Variants in WDR7 observed in about 807,000 individuals in gnomAD.
WDR7 encodes WD repeat-containing protein 7.
A neutral mutation model predicts 169.4 loss-of-function variants in WDR7; 46 were observed. That is an observed-to-expected ratio of 0.27 (90% CI 0.21 to 0.35). The LOEUF is 0.35. WDR7 is among the 10% of genes least tolerant of loss of function. The pLI is 1.00. For synonymous variants in WDR7, 612 were observed against 666.8 expected (o/e 0.92, Z 1.27); for missense variants, 1,534 against 1,859.3 (o/e 0.83, Z 3.22).
chr18:56,704,381 G>A (rs199733887), intron 12 of WDR7, among the ~76,000 whole-genome samples: 32 of 145,390 alleles, frequency 2.2e-4, no homozygotes, highest in Non-Finnish European at 1.4e-4. Context: ...TATCAAAAAA[G>A]AAAAAAAAAA....
At chr18:56,764,402 G>A (rs571664075) in intron 16 of WDR7, among the ~76,000 whole-genome samples, 1 of 152,116 alleles carries the variant, frequency 6.6e-6, no homozygotes, top group South Asian at 2.1e-4. Context: ...TGTTTCAATT[G>A]ATTGTGTTTA....
chr18:56,966,554 A>G (rs941169714), intron 26 of WDR7, among the ~76,000 whole-genome samples: 1 of 152,294 alleles, frequency 6.6e-6, no homozygotes, highest in Admixed American at 6.5e-5. Flanking sequence ...TATGTGTCAA[A>G]TGACTGGTTT....
intron 12 of WDR7, among the ~76,000 whole-genome samples, chr18:56,716,963 A>C (rs922427180): frequency 1.3e-5 from 2 of 152,210 alleles, no homozygotes; most frequent in African/African-American, 4.8e-5. Context: ...CTTTAGTTTA[A>C]AAACAACCTG....
chr18:56,833,578 C>T (rs186193769), intron 20 of WDR7, among the ~76,000 whole-genome samples: 24 of 152,170 alleles, frequency 1.6e-4, no homozygotes, highest in Non-Finnish European at 1.8e-4. Context: ...TGAATGTCTG[C>T]GTTACAAACG....
intron 20 of WDR7, among the ~76,000 whole-genome samples, chr18:56,843,844 T>C (rs1432505280): frequency 1.3e-5 from 2 of 149,580 alleles, no homozygotes; most frequent in Non-Finnish European, 2.9e-5. Flanking sequence ...ACTCGATATT[T>C]TCTTTTTTCT....
intron 20 of WDR7, among the ~76,000 whole-genome samples, chr18:56,835,621 C>A (rs897336349): frequency 2.0e-5 from 3 of 152,182 alleles, no homozygotes; most frequent in Non-Finnish European, 4.4e-5. Flanking sequence ...CATGTCTCAA[C>A]AGTATGTGAA....
chr18:56,699,967 A>T, intron 12 of WDR7: 1 of 777,904 alleles, frequency 1.3e-6, no homozygotes, highest in Non-Finnish European at 1.6e-6. Context: ...GCTGTTTTTA[A>T]TATCTTTTTA....
intron 7 of WDR7, among the ~76,000 whole-genome samples, chr18:56,689,891 T>G (rs554271387): frequency 1.3e-5 from 2 of 149,164 alleles, no homozygotes; most frequent in Non-Finnish European, 3.0e-5. Flanking sequence ...TTTTCTTGGC[T>G]ATAATTGTAG....
chr18:56,977,996 T>C (rs1053996273), intron 26 of WDR7, among the ~76,000 whole-genome samples: 1 of 152,206 alleles, frequency 6.6e-6, no homozygotes, highest in Non-Finnish European at 1.5e-5. Context: ...ATTTATTACT[T>C]GTAGACACGT....
chr18:56,957,527 A>C (rs1232963863), intron 25 of WDR7: 1 of 152,038 alleles, frequency 6.6e-6, no homozygotes, highest in Non-Finnish European at 1.5e-5. Flanking sequence ...GTAAATAGTT[A>C]AGAGTAGTTA....
intron 20 of WDR7, among the ~76,000 whole-genome samples, chr18:56,877,416 C>T (rs1466412085): frequency 6.6e-6 from 1 of 152,158 alleles, no homozygotes; most frequent in Non-Finnish European, 1.5e-5. Flanking sequence ...TAGAGGAGAA[C>T]TTTCATGAAA....
chr18:56,794,069 G>A (rs1226020730), intron 19 of WDR7, among the ~76,000 whole-genome samples: 1 of 151,960 alleles, frequency 6.6e-6, no homozygotes, highest in African/African-American at 2.4e-5. Flanking sequence ...AAACCAATGT[G>A]TTTTCTATTC....
intron 25 of WDR7, among the ~76,000 whole-genome samples, chr18:56,955,891 T>C (rs2047243898): frequency 6.6e-6 from 1 of 152,182 alleles, no homozygotes; most frequent in Non-Finnish European, 1.5e-5. Flanking sequence ...TAAGTATAGA[T>C]CCAGGCAATA....
chr18:56,913,263 C>G (rs75491790), intron 21 of WDR7, among the ~76,000 whole-genome samples: 2,138 of 152,166 alleles, frequency 0.014, 32 homozygotes, highest in East Asian at 0.037. Context: ...ATGTTTGATG[C>G]GTATCTAAAG....
intron 17 of WDR7, among the ~76,000 whole-genome samples, chr18:56,777,487 A>G (rs1203167480): frequency 6.6e-6 from 1 of 152,144 alleles, no homozygotes; most frequent in Non-Finnish European, 1.5e-5. Context: ...AGTCGAAAGT[A>G]TTTTTGGAGC....
chr18:56,909,808 C>T (rs187951010), intron 21 of WDR7, among the ~76,000 whole-genome samples: 297 of 152,162 alleles, frequency 2.0e-3, no homozygotes, highest in African/African-American at 6.8e-3. Flanking sequence ...CTAATGAAAA[C>T]TAAGCCATTT....
chr18:56,837,449 T>C (rs1423148067), intron 20 of WDR7, among the ~76,000 whole-genome samples: 1 of 152,232 alleles, frequency 6.6e-6, no homozygotes, highest in African/African-American at 2.4e-5. Context: ...TAATTTGCTA[T>C]TGTAAAATTT....
chr18:56,691,868 C>A, intron 9 of WDR7, 51 bp downstream of exon 9: 1 of 1,412,224 alleles, frequency 7.1e-7, no homozygotes, highest in Non-Finnish European at 9.8e-7. Context: ...TGAAAAACTT[C>A]TACAACTGTA....
intron 27 of WDR7, among the ~76,000 whole-genome samples, chr18:57,022,021 C>A (rs1363440399): frequency 2.0e-5 from 3 of 152,186 alleles, no homozygotes; most frequent in African/African-American, 7.2e-5. Flanking sequence ...TTCTCATTAG[C>A]CTTTCTTCCA....
Sources: allele counts gnomAD v4.1 joint callset (sites outside exome capture counted in the v4.1 genomes callset), GRCh38; gene constraint gnomAD v4.1.1; transcripts MANE v1.5; gene names NCBI Gene and HGNC (gene_info 2026-07-23, HGNC 2026-07-21).